The following SPAG16 variants were observed in gnomAD, a reference collection of about 807,000 sequenced individuals.
SPAG16 encodes sperm-associated antigen 16 protein.
SPAG16 carries 86 observed loss-of-function variants against 80.4 expected under a neutral mutation model. The observed-to-expected ratio is 1.07, with a 90% confidence interval of 0.90 to 1.28. The LOEUF is 1.28. Among genes scored for constraint, SPAG16 ranks in the 50% most tolerant of loss-of-function variants. The pLI is 0.00. For missense variants in SPAG16, 870 were observed against 765.3 expected (o/e 1.14, Z -1.61); for synonymous variants, 294 against 265.9 (o/e 1.11, Z -1.03).
intron 10 of SPAG16, among the ~76,000 whole-genome samples, chr2:213,789,126 A>T (rs1057028579): frequency 6.6e-6 from 1 of 151,942 alleles, no homozygotes. Flanking sequence ...GAAGCACTTA[A>T]AAATGCATGT....
chr2:213,572,840 G>A (rs62192358), intron 10 of SPAG16, among the ~76,000 whole-genome samples: 39,748 of 151,444 alleles, frequency 0.26, 5,744 homozygotes, highest in Middle Eastern at 0.44. Context: ...CCCCAGCCTC[G>A]CTGCTGCCTT....
At chr2:214,179,803 T>A (rs1336125224) in intron 15 of SPAG16, among the ~76,000 whole-genome samples, 1 of 151,532 alleles carries the variant, frequency 6.6e-6, no homozygotes, top group Non-Finnish European at 1.5e-5. Context: ...GTCAATTACA[T>A]TTAAATTTAA....
intron 10 of SPAG16, among the ~76,000 whole-genome samples, chr2:213,653,191 C>T (rs555822680): frequency 2.6e-5 from 4 of 152,248 alleles, no homozygotes; most frequent in South Asian, 2.1e-4. Context: ...CATGTGCAAA[C>T]GACTATTCTA....
At chr2:213,918,986 C>G (rs1228171027) in intron 11 of SPAG16, among the ~76,000 whole-genome samples, 1 of 152,044 alleles carries the variant, frequency 6.6e-6, no homozygotes, top group Non-Finnish European at 1.5e-5. Context: ...ATGTCAGGAT[C>G]AGTGTAATGC....
rs767537383 is a variant in SPAG16 at position 214,149,189 on chromosome 2, A to G, written c.1643A>G (p.Asp548Gly). The change falls in exon 15 of 16, where the codon GAC (aspartate) becomes GGC (glycine). Residue 548 changes from aspartate to glycine, a missense_variant. Transcript: ENST00000331683. ...CDACGVTKLW[D>G]FRKLLPIVSI... The stretch of plus-strand genomic sequence containing the variant: ...GCCTGTGGGGTTACAAAGCTGTGGG[A>G]CTTTCGGAAGCTGTTACCAATTGTG... The G allele has an allele frequency of 1.3e-6, 2 of 1,597,182 alleles. No individual in the cohort carries two copies. The highest frequency in any genetic ancestry group is 1.7e-6 in the Non-Finnish European group (2 of 1,171,604).
intron 10 of SPAG16, among the ~76,000 whole-genome samples, chr2:213,503,665 A>G (rs910894641): frequency 5.9e-5 from 9 of 152,248 alleles, no homozygotes; most frequent in African/African-American, 1.9e-4. Flanking sequence ...ATTTTCCCTT[A>G]GCTTAGCACT....
chr2:213,915,267 T>C (rs2077899681), intron 11 of SPAG16, among the ~76,000 whole-genome samples: 1 of 152,136 alleles, frequency 6.6e-6, no homozygotes. Flanking sequence ...CTTCTAATGC[T>C]ATCCCTCCCC....
At chr2:213,463,258 G>A (rs1174967371) in intron 9 of SPAG16, among the ~76,000 whole-genome samples, 3 of 152,220 alleles carry the variant, frequency 2.0e-5, no homozygotes, top group African/African-American at 7.2e-5. Flanking sequence ...AGTTTGGAAA[G>A]TTTGCAGCCT....
chr2:213,629,900 C>T (rs533288984), intron 10 of SPAG16, among the ~76,000 whole-genome samples: 15 of 152,328 alleles, frequency 9.8e-5, no homozygotes, highest in African/African-American at 3.6e-4. Context: ...GGCACAGCCT[C>T]CTTTTTCCAG....
At chr2:213,309,834 A>T (rs1027911689) in intron 3 of SPAG16, among the ~76,000 whole-genome samples, 10 of 152,004 alleles carry the variant, frequency 6.6e-5, no homozygotes, top group African/African-American at 2.4e-4. Flanking sequence ...AGTTATTCAT[A>T]TTCTGTCTCC....
At chr2:213,441,104 A>C (rs578121613) in intron 9 of SPAG16, among the ~76,000 whole-genome samples, 1 of 152,222 alleles carries the variant, frequency 6.6e-6, no homozygotes, top group Non-Finnish European at 1.5e-5. Context: ...ATATGCATAC[A>C]TTATAATACA....
intron 3 of SPAG16, among the ~76,000 whole-genome samples, chr2:213,299,007 T>C (rs2062615473): frequency 6.6e-6 from 1 of 152,210 alleles, no homozygotes; most frequent in Non-Finnish European, 1.5e-5. Flanking sequence ...ATTTGAATTG[T>C]GCTATGGGCT....
chr2:214,184,298 T>G (rs1333618031), intron 15 of SPAG16, among the ~76,000 whole-genome samples: 1 of 152,046 alleles, frequency 6.6e-6, no homozygotes, highest in Non-Finnish European at 1.5e-5. Context: ...AAGGATTATT[T>G]TTGTCATATA....
At chr2:213,867,500 T>G (rs1055589337) in intron 11 of SPAG16, among the ~76,000 whole-genome samples, 1 of 152,242 alleles carries the variant, frequency 6.6e-6, no homozygotes, top group Non-Finnish European at 1.5e-5. Context: ...TGATGCCTAC[T>G]TTATAGTTTG....
chr2:213,901,071 A>G (rs1008493056), intron 11 of SPAG16, among the ~76,000 whole-genome samples: 1 of 152,198 alleles, frequency 6.6e-6, no homozygotes, highest in Admixed American at 6.5e-5. Context: ...TTTTTAAAGA[A>G]ATAATTGCTG....
intron 8 of SPAG16, among the ~76,000 whole-genome samples, chr2:213,374,728 C>T: frequency 6.6e-6 from 1 of 151,986 alleles, no homozygotes; most frequent in Non-Finnish European, 1.5e-5. Context: ...TTTATAAACA[C>T]ACAAAGCCTT....
intron 10 of SPAG16, among the ~76,000 whole-genome samples, chr2:213,712,795 C>G (rs926187191): frequency 6.6e-6 from 1 of 152,036 alleles, no homozygotes; most frequent in Non-Finnish European, 1.5e-5. Context: ...TAAAAATAAG[C>G]ATCTTTTATT....
intron 9 of SPAG16, among the ~76,000 whole-genome samples, chr2:213,438,723 A>G (rs753623026): frequency 2.0e-5 from 3 of 152,224 alleles, no homozygotes; most frequent in Non-Finnish European, 4.4e-5. Context: ...TTTATATGTA[A>G]AAGGGGATTT....
intron 15 of SPAG16, among the ~76,000 whole-genome samples, chr2:214,306,269 C>A (rs191854967): frequency 6.6e-6 from 1 of 152,162 alleles, no homozygotes; most frequent in African/African-American, 2.4e-5. Context: ...GTCAAAGAAG[C>A]TTTGGGGCTG....
Sources: gnomAD v4.1 joint callset for allele counts (sites outside exome capture counted in the v4.1 genomes callset) on GRCh38, gnomAD v4.1.1 for gene constraint, MANE v1.5 for transcripts, NCBI Gene and HGNC (gene_info 2026-07-23, HGNC 2026-07-21) for gene names.